The following SPTY2D1 variants were observed in gnomAD, a reference collection of about 807,000 sequenced individuals.
The protein encoded by SPTY2D1 is protein SPT2 homolog.
A neutral mutation model predicts 64.0 loss-of-function variants in SPTY2D1; 21 were observed. That is an observed-to-expected ratio of 0.33 (90% confidence interval 0.23 to 0.47). The LOEUF is 0.47. Ranked by LOEUF, SPTY2D1 falls within the 20% of genes least tolerant of loss-of-function variation. The pLI is 1.00. For synonymous variants in SPTY2D1, 287 were observed against 286.8 expected (o/e 1.00, Z -0.01); for missense variants, 724 against 837.2 (o/e 0.86, Z 1.67).
At chr11:18,614,417 G>T (rs1284630413) in intron 3 of SPTY2D1, 146 bp downstream of exon 3, 1 of 819,386 alleles carries the variant, frequency 1.2e-6, no homozygotes, top group Admixed American at 2.8e-5. Flanking sequence ...TCAACCACAA[G>T]GCAGATAAAA....
chr11:18,615,435 G>A lies in SPTY2D1; in HGVS notation c.839C>T (p.Ser280Phe), dbSNP rs746672246. The A allele has an allele frequency of 6.2e-7, 1 of 1,614,200 alleles. No homozygotes were observed. The highest frequency in any genetic ancestry group is 8.5e-7 in the Non-Finnish European group (1 of 1,180,030). ...GATCCTCTCTCCTGGCATGGATTTG[G>A]ATGAAGACAAAGCGAGGTGTTTCTC... The part of the protein sequence containing the change: ...ANEKHLALSS[S>F]KSMPGERIKA... The change falls in exon 3 of 6, where the codon TCC becomes TTC. Residue 280 changes from serine to phenylalanine, a missense_variant. Physicochemically the swap from Ser to Phe is radical, Grantham distance 155 (BLOSUM62 -2). Coordinates refer to ENST00000336349, the MANE Select transcript of SPTY2D1 (RefSeq NM_194285.3).
rs1028577502 is a variant in SPTY2D1 at position 18,617,170 on chromosome 11, G to A, written c.61-181C>T. ...TATAAAATTTCAGACTATTTATTAC[G>A]TATGGTGATTTTGGGGTACAAAGTT... On this transcript the variant is annotated intron_variant, in intron 1 of 5. Transcript: ENST00000336349. Among the ~76,000 whole-genome samples the A allele has an allele frequency of 2.2e-4, 33 of 152,130 alleles. 1 individual carries two copies. The highest frequency in any genetic ancestry group is 1.9e-4 in the East Asian group (1 of 5,206).
intron 1 of SPTY2D1, among the ~76,000 whole-genome samples, chr11:18,617,893 G>A (rs1442769930): frequency 1.3e-5 from 2 of 152,196 alleles, no homozygotes; most frequent in Non-Finnish European, 2.9e-5. Context: ...AGTGAGCCGA[G>A]ATTGCGCCAC....
chr11:18,612,225 G>C lies in SPTY2D1; in HGVS notation c.1886+89C>G. ...TTCCTAATTAAGAATTGTATTCAGT[G>C]CCTCCACTATTAGTTTATTACCCCA... On this transcript the variant is annotated intron_variant, in intron 4 of 5. Coordinates refer to ENST00000336349, the MANE Select transcript of SPTY2D1 (RefSeq NM_194285.3). This position sits in a 1 kb window ranked among gnomAD's most constrained non-coding sequence, Gnocchi z 4.6. 2 of 1,019,868 alleles carry C rather than the reference G, an allele frequency of 2.0e-6. No homozygotes were observed. Among genetic ancestry groups the C allele is most frequent in the South Asian group, 4.0e-5 (2 of 49,892 alleles). 63.2% of individuals were successfully genotyped at this position (1,019,868 alleles called of 1,614,324 possible).
Position 18,616,059 on chromosome 11 carries a change from T to C in SPTY2D1, c.215A>G (p.Lys72Arg). ...EKRRKEELVK[K>R]RIELKHDKKA... ...CTTGTCATGTTTGAGCTCAATTCGC[T>C]TTTTCACTAGTTCCTCTTTTCTCCT... The change falls in exon 3 of 6, where the codon AAG becomes AGG. Residue 72 changes from lysine to arginine, a missense_variant. This residue lies in a region of SPTY2D1 where 179 missense variants were observed against 232.5 expected (regional missense o/e 0.77). Transcript: ENST00000336349. 1 of 1,612,022 alleles carries C rather than the reference T, an allele frequency of 6.2e-7. No individual in the cohort carries two copies. The highest frequency in any genetic ancestry group is 1.1e-5 in the South Asian group (1 of 90,916).
chr11:18,633,400 T>C (rs78468379), intron 1 of SPTY2D1, among the ~76,000 whole-genome samples: 176 of 152,334 alleles, frequency 1.2e-3, no homozygotes, highest in Non-Finnish European at 2.2e-3. Flanking sequence ...TCTGAAAATC[T>C]GGAAATGATT....
chr11:18,613,859 A>C (rs1196700369), intron 3 of SPTY2D1, among the ~76,000 whole-genome samples: 1 of 152,146 alleles, frequency 6.6e-6, no homozygotes, highest in East Asian at 1.9e-4. Flanking sequence ...ACACAAGTAC[A>C]ATCTAAAAAC....
At chr11:18,610,682 AAAAAAAC>A (rs1471235713) in intron 5 of SPTY2D1, among the ~76,000 whole-genome samples, 3 of 150,912 alleles carry the variant, frequency 2.0e-5, no homozygotes, top group South Asian at 2.1e-4. Flanking sequence ...AAAAAAAAAA[AAAAAAAC>A]AACAATACTA....
Position 18,609,655 on chromosome 11 carries a change from T to G in SPTY2D1, c.*206A>C. 1.7e-6 allele frequency: 1 copy of G among 580,990 alleles called. No homozygotes were observed. The allele number at this position is 580,990 out of a possible 1,614,324, so 36.0% of individuals were successfully genotyped here. On this transcript the variant is annotated 3_prime_UTR_variant, in exon 6 of 6. Transcript: ENST00000336349. ...AACTTCATAAGAGCACAAGTGGGCATTATATCATCTGCATTACAGATTTCA... is the reference window on the plus strand; with the variant it reads ...AACTTCATAAGAGCACAAGTGGGCAGTATATCATCTGCATTACAGATTTCA...
At chr11:18,628,941 C>CT (rs1157507566) in intron 1 of SPTY2D1, among the ~76,000 whole-genome samples, 1 of 152,164 alleles carries the variant, frequency 6.6e-6, no homozygotes, top group Non-Finnish European at 1.5e-5. Context: ...CATTATCTAC[C>CT]TGGCCCCTGA....
rs1356143305 is a variant in SPTY2D1, at chr11:18,614,200, G to C, written c.1711+363C>G. On this transcript the variant is annotated intron_variant, in intron 3 of 5. Coordinates refer to ENST00000336349, the MANE Select transcript of SPTY2D1 (RefSeq NM_194285.3). ...GTATTTTGGGAAGCTGAGGAAGGCG[G>C]ATCTCTGAGCCCCGGAGTTAGAAAC... 2.0e-5 allele frequency among the ~76,000 whole-genome samples: 3 copies of C among 152,250 alleles called. No individual in the cohort carries two copies. The East Asian group carries it at 5.8e-4, about 29-fold the overall frequency.
chr11:18,629,967 G>A (rs184208978), intron 1 of SPTY2D1, among the ~76,000 whole-genome samples: 113 of 151,810 alleles, frequency 7.4e-4, no homozygotes, highest in African/African-American at 2.5e-3. Flanking sequence ...TCAGGAGATC[G>A]AGACCATCCT....
chr11:18,615,622 C>G lies in SPTY2D1; in HGVS notation c.652G>C (p.Glu218Gln). 1 of 1,614,214 alleles carries G rather than the reference C, an allele frequency of 6.2e-7. No homozygotes were observed. Among genetic ancestry groups the G allele is most frequent in the Non-Finnish European group, 8.5e-7 (1 of 1,180,046 alleles). ...LERKHRRKKLETDGKLPPTVS... is the reference protein window; with the variant it reads ...LERKHRRKKLQTDGKLPPTVS... The stretch of plus-strand genomic sequence containing the variant: ...GTTGGAGGTAGTTTTCCATCTGTCT[C>G]AAGTTTTTTTCTCCTATGCTTTCGT... Residue 218 changes from glutamate to glutamine, a missense_variant, in exon 3 of 6, where the codon GAG (glutamate) becomes CAG (glutamine). Glu to Gln is a conservative substitution (Grantham distance 29). Coordinates refer to ENST00000336349, the MANE Select transcript of SPTY2D1 (RefSeq NM_194285.3).
intron 4 of SPTY2D1, 79 bp from the exon 5 acceptor site, chr11:18,611,633 C>A: frequency 8.8e-7 from 1 of 1,139,284 alleles, no homozygotes; most frequent in South Asian, 1.3e-5. Context: ...TTTAAAAAAT[C>A]AATATCTCCT....
In SPTY2D1 at chr11:18,608,543, A is replaced by G. The variant is rs1345330788; in HGVS notation, c.*1318T>C. 1 of 152,150 alleles carries G rather than the reference A, an allele frequency of 6.6e-6. No homozygotes were observed. The highest frequency in any genetic ancestry group is 2.4e-5 in the African/African-American group (1 of 41,426). 9.4% of individuals were successfully genotyped at this position (152,150 alleles called of 1,614,324 possible). A position where few individuals can be genotyped will look rare whatever the true frequency, so the allele number is the denominator to read the frequency against. On this transcript the variant is annotated 3_prime_UTR_variant, in exon 6 of 6. Transcript: ENST00000336349. ...TACAAGCTTATGTCTCACTTCCCCT[A>G]AGCCTCTGTACTTACAGTCAAGGAC...
At chr11:18,610,039 C>T in intron 5 of SPTY2D1, 85 bp from the exon 6 acceptor site, 4 of 1,228,060 alleles carry the variant, frequency 3.3e-6, no homozygotes, top group Non-Finnish European at 4.7e-6. Flanking sequence ...CAACTGGGAG[C>T]TCACATGGAT....
In SPTY2D1 at chr11:18,625,708, ACAC is replaced by A. The variant is rs577284479; in HGVS notation, c.60+8487_60+8489del. ...CCCGAGTAACTGGGACTACAAGCAC[ACAC>A]CACCACAACTGGCTATTAATAATTT... On this transcript the variant is annotated intron_variant, in intron 1 of 5. Coordinates refer to ENST00000336349, the MANE Select transcript of SPTY2D1 (RefSeq NM_194285.3). Among the ~76,000 whole-genome samples, 1,191 of 151,712 alleles carry A rather than the reference ACAC, an allele frequency of 7.9e-3. 11 individuals are homozygous for A. Among genetic ancestry groups the A allele is most frequent in the Non-Finnish European group, 0.012 (782 of 67,930 alleles).
intron 1 of SPTY2D1, among the ~76,000 whole-genome samples, chr11:18,620,370 T>G (rs1025090181): frequency 1.3e-5 from 2 of 151,774 alleles, no homozygotes; most frequent in Admixed American, 1.3e-4. Flanking sequence ...TCCCAGCCAG[T>G]TGGGAGGCTG....
Position 18,615,358 on chromosome 11 carries a change from T to G in SPTY2D1, c.916A>C (p.Lys306Gln), listed in dbSNP as rs1854280125. The G allele has an allele frequency of 6.2e-7, 1 of 1,614,006 alleles. No individual in the cohort carries two copies. Among genetic ancestry groups the G allele is most frequent in the African/African-American group, 1.3e-5 (1 of 74,910 alleles). Residue 306 changes from lysine (K) to glutamine (Q), a missense_variant, in exon 3 of 6, where the codon AAA (lysine) becomes CAA (glutamine). Lys to Gln is a moderately conservative substitution (Grantham distance 53). Transcript: ENST00000336349. ...SQPSLREGHD[K>Q]PVFNGAGKPH... ...TTTCCAGCTCCATTAAAAACAGGTT[T>G]GTCGTGGCCCTCACGAAGTGAGGGT...
Sources: gnomAD v4.1 joint callset for allele counts (sites outside exome capture counted in the v4.1 genomes callset) on GRCh38, gnomAD v4.1.1 for gene constraint, gnomAD v4.1.1 regional missense constraint, Gnocchi (gnomAD v3.1) non-coding constraint, MANE v1.5 for transcripts, NCBI Gene and HGNC (gene_info 2026-07-23, HGNC 2026-07-21) for gene names.